Variants in NLRP5 observed in about 807,000 individuals in gnomAD.
NLRP5 encodes the protein NLR family pyrin domain containing 5, also known as NACHT, LRR and PYD domains-containing protein 5.
A neutral mutation model predicts 113.1 loss-of-function variants in NLRP5; 93 were observed. The observed-to-expected ratio is 0.82, with a 90% CI of 0.70 to 0.98. NLRP5 has a LOEUF of 0.98. Among genes scored for constraint, NLRP5 ranks in the 50% least tolerant of loss-of-function variants. NLRP5 has a pLI of 0.00. For synonymous variants in NLRP5, 751 were observed against 600.7 expected, an observed-to-expected ratio of 1.25 and a Z score of -3.66; for missense variants, 1,808 against 1,514.3, an observed-to-expected ratio of 1.19 and a Z score of -3.22.
At chr19:56,056,328 G>T (rs1213008943) in intron 13 of NLRP5, among the ~76,000 whole-genome samples, 1 of 151,882 alleles carries the variant, frequency 6.6e-6, no homozygotes, top group Non-Finnish European at 1.5e-5. Context: ...GAGGCTGAGG[G>T]GGGTGGATCA....
At chr19:56,058,949 C>T (rs1278840136) in intron 14 of NLRP5, among the ~76,000 whole-genome samples, 1 of 152,194 alleles carries the variant, frequency 6.6e-6, no homozygotes, top group South Asian at 2.1e-4. Context: ...GTGGAATAAG[C>T]CAGTCCTAAA....
At chr19:56,035,730 C>T (rs980709325) in intron 9 of NLRP5, among the ~76,000 whole-genome samples, 1 of 152,162 alleles carries the variant, frequency 6.6e-6, no homozygotes, top group African/African-American at 2.4e-5. Context: ...GAACCTAGAA[C>T]TGCTCTTTTC....
chr19:56,016,546 ACTC>A (rs1407610930), intron 4 of NLRP5, among the ~76,000 whole-genome samples: 2 of 151,864 alleles, frequency 1.3e-5, no homozygotes, highest in Non-Finnish European at 2.9e-5. Flanking sequence ...ACCAGAACTT[ACTC>A]CTCTTGTCTA....
At chr19:56,007,895 G>GTGTGTGCA (rs1555764375) in intron 2 of NLRP5, among the ~76,000 whole-genome samples, 4 of 58,444 alleles carry the variant, frequency 6.8e-5, no homozygotes, top group African/African-American at 9.7e-5. Flanking sequence ...GTGTGCGCGT[G>GTGTGTGCA]CGCGCGTGCG....
chr19:56,036,055 A>ATTTTTTTTTTTTTTTTTTTT (rs1261118713), intron 9 of NLRP5, among the ~76,000 whole-genome samples: 1 of 90,584 alleles, frequency 1.1e-5, no homozygotes, highest in Non-Finnish European at 2.1e-5. Flanking sequence ...ATGAATTGAG[A>ATTTTTTTTTTTTTTTTTTTT]TTCTTTTTTT....
intron 13 of NLRP5, among the ~76,000 whole-genome samples, chr19:56,056,687 G>T (rs1431360610): frequency 2.0e-5 from 3 of 152,120 alleles, no homozygotes; most frequent in African/African-American, 7.2e-5. Flanking sequence ...CCTCTCCCTT[G>T]CCTCTATCCT....
At chr19:56,041,659 C>T (rs1236265493) in intron 11 of NLRP5, among the ~76,000 whole-genome samples, 2 of 152,068 alleles carry the variant, frequency 1.3e-5, no homozygotes, top group Non-Finnish European at 2.9e-5. Context: ...TTAAACAACA[C>T]TATTGCAGCG....
chr19:56,033,750 T>A, intron 9 of NLRP5, 41 bp downstream of exon 9: 1 of 1,528,044 alleles, frequency 6.5e-7, no homozygotes, highest in Non-Finnish European at 8.9e-7. Flanking sequence ...TTTCTTCGTT[T>A]TTACTTGTGT....
chr19:56,056,889 C>T (rs1984174283), intron 13 of NLRP5, among the ~76,000 whole-genome samples: 2 of 152,114 alleles, frequency 1.3e-5, no homozygotes, highest in African/African-American at 4.8e-5. Context: ...CCTGTAATCC[C>T]AGCACTTTGG....
chr19:56,008,169 C>G (rs1982022569), intron 2 of NLRP5, among the ~76,000 whole-genome samples: 1 of 151,604 alleles, frequency 6.6e-6, no homozygotes, highest in Admixed American at 6.6e-5. Context: ...ACCTCGTGAT[C>G]CACCTGCCTC....
intron 8 of NLRP5, 70 bp downstream of exon 8, chr19:56,032,851 A>C (rs747778008): frequency 4.1e-6 from 6 of 1,458,422 alleles, no homozygotes; most frequent in Non-Finnish European, 5.6e-6. Flanking sequence ...CTACCTCCTG[A>C]GAGACCCATC....
At chr19:55,988,444 G>GTGTATA in the NLRP5 span, 1 of 106,488 alleles carries the variant, frequency 9.4e-6, no homozygotes, top group Middle Eastern at 4.4e-3. Flanking sequence ...ATGTGTGTGT[G>GTGTATA]TATATATATA....
In NLRP5 at chr19:56,028,246, G is replaced by A. The variant is rs769237049; in HGVS notation, c.2013G>A (p.Leu671=). 13 of 1,613,814 alleles carry A rather than the reference G, an allele frequency of 8.1e-6. No individual in the cohort carries two copies. Among genetic ancestry groups the A allele is most frequent in the Non-Finnish European group, 1.1e-5 (13 of 1,179,912 alleles). ...AGAAGCTTCTGCACTGGGTCTCTCT[G>A]TTGGGTCAGCAGCCTAATGCCACCA... Residue 671 remains leucine (L), a synonymous_variant, in exon 7 of 15, where the codon CTG becomes CTA. Transcript: ENST00000390649.
At chr19:56,024,421 TTATA>T (rs1555766886) in intron 6 of NLRP5, among the ~76,000 whole-genome samples, 3 of 141,776 alleles carry the variant, frequency 2.1e-5, no homozygotes, top group African/African-American at 7.9e-5. Context: ...TGTATATATG[TTATA>T]TATACACATA....
At chr19:55,999,603 C>A (rs556142934), upstream of NLRP5, 2 of 755,686 alleles carry the variant, frequency 2.6e-6, no homozygotes, top group Non-Finnish European at 4.7e-6. Context: ...CCCTTCCGAC[C>A]GGCTCACTTG....
At chr19:55,998,893 A>T (rs1041832978), upstream of NLRP5, among the ~76,000 whole-genome samples, 2 of 151,458 alleles carry the variant, frequency 1.3e-5, no homozygotes, top group Non-Finnish European at 2.9e-5. Flanking sequence ...TAACATGTCC[A>T]TTGCCTTAGT....
chr19:56,022,009 A>G (rs1166891733), intron 6 of NLRP5, among the ~76,000 whole-genome samples: 1 of 152,176 alleles, frequency 6.6e-6, no homozygotes, highest in African/African-American at 2.4e-5. Flanking sequence ...TGTGCAATGT[A>G]ATGTTGATCC....
upstream of NLRP5, among the ~76,000 whole-genome samples, chr19:55,999,535 C>T (rs758940805): frequency 2.0e-5 from 3 of 152,086 alleles, no homozygotes; most frequent in Non-Finnish European, 4.4e-5. Flanking sequence ...ACGTCTCGGT[C>T]TGGCAGGTAG....
upstream of NLRP5, among the ~76,000 whole-genome samples, chr19:55,999,271 A>G (rs1373170031): frequency 2.1e-5 from 3 of 141,874 alleles, no homozygotes; most frequent in Non-Finnish European, 3.0e-5. Context: ...CTGGAGTGCA[A>G]TGCCACAATC....
Sources: gnomAD v4.1 joint callset for allele counts (sites outside exome capture counted in the v4.1 genomes callset) on GRCh38, gnomAD v4.1.1 for gene constraint, MANE v1.5 for transcripts, NCBI Gene and HGNC (gene_info 2026-07-23, HGNC 2026-07-21) for gene names.